The following FUBP3 variants were observed in gnomAD, a reference collection of about 807,000 sequenced individuals.
FUBP3 encodes far upstream element-binding protein 3.
FUBP3 carries 28 observed loss-of-function variants against 85.6 expected under a neutral mutation model. That is an observed-to-expected ratio of 0.33 (90% confidence interval 0.24 to 0.45). The LOEUF is 0.45. Ranked by LOEUF, FUBP3 falls within the 20% of genes least tolerant of loss-of-function variation. The pLI is 1.00. For synonymous variants in FUBP3, 271 were observed against 271.4 expected, an observed-to-expected ratio of 1.00 and a Z score of 0.01; for missense variants, 583 against 755.1, an observed-to-expected ratio of 0.77 and a Z score of 2.67.
At chr9:130,608,828 G>A (rs1314170923) in intron 2 of FUBP3, among the ~76,000 whole-genome samples, 1 of 152,146 alleles carries the variant, frequency 6.6e-6, no homozygotes, top group East Asian at 1.9e-4. Flanking sequence ...GTCACGGTCT[G>A]CTTTTTTTCC....
At chr9:130,630,526 C>T (rs1830168410) in intron 12 of FUBP3, 102 bp from the exon 13 acceptor site, 1 of 918,664 alleles carries the variant, frequency 1.1e-6, no homozygotes, top group Non-Finnish European at 1.6e-6. Flanking sequence ...TGCCGACGTG[C>T]ACAAAATCCC....
chr9:130,589,675 G>GTGTGTGTATGTGTATGTATATATATA (rs869282275), intron 1 of FUBP3, among the ~76,000 whole-genome samples: 10 of 34,290 alleles, frequency 2.9e-4, no homozygotes, highest in Non-Finnish European at 3.4e-4. Context: ...GTATGTGTGT[G>GTGTGTGTATGTGTATGTATATATATA]TATATATATA....
chr9:130,604,143 A>G (rs561753264), intron 2 of FUBP3, among the ~76,000 whole-genome samples: 2 of 152,168 alleles, frequency 1.3e-5, no homozygotes, highest in African/African-American at 4.8e-5. Context: ...CCAAAAAACT[A>G]CATACTGCAT....
At chr9:130,619,934 C>G (rs1294785954) in intron 8 of FUBP3, among the ~76,000 whole-genome samples, 3 of 152,198 alleles carry the variant, frequency 2.0e-5, no homozygotes, top group African/African-American at 7.2e-5. Flanking sequence ...AGTTCTCTGT[C>G]TCATGGACCT....
intron 12 of FUBP3, among the ~76,000 whole-genome samples, chr9:130,630,352 C>G (rs1011746025): frequency 6.6e-6 from 1 of 152,216 alleles, no homozygotes. Flanking sequence ...GGGCCACTCA[C>G]GACCTTCACA....
chr9:130,614,421 C>A, intron 6 of FUBP3, 76 bp downstream of exon 6: 1 of 890,444 alleles, frequency 1.1e-6, no homozygotes, highest in Non-Finnish European at 1.8e-6. Context: ...AAGGGCAACA[C>A]TGTTACTGAA....
At chr9:130,594,069 T>A (rs1454253019) in intron 1 of FUBP3, among the ~76,000 whole-genome samples, 1 of 152,166 alleles carries the variant, frequency 6.6e-6, no homozygotes, top group East Asian at 1.9e-4. Flanking sequence ...TTATGTTACA[T>A]CTCTTTAGAT....
chr9:130,632,166 C>T (rs774203890), intron 15 of FUBP3, 36 bp from the exon 16 acceptor site: 36 of 1,573,816 alleles, frequency 2.3e-5, no homozygotes, highest in Middle Eastern at 1.7e-4. Context: ...GTGACTTGCC[C>T]CCTATAGGAA....
intron 1 of FUBP3, among the ~76,000 whole-genome samples, chr9:130,590,970 G>C (rs538357312): frequency 2.0e-5 from 3 of 150,310 alleles, no homozygotes; most frequent in Non-Finnish European, 4.4e-5. Flanking sequence ...ACCTGGGTTT[G>C]AATACTGTTT....
At chr9:130,613,048 G>T (rs773928946) in intron 5 of FUBP3, 21 bp downstream of exon 5, 9 of 1,497,092 alleles carry the variant, frequency 6.0e-6, no homozygotes, top group African/African-American at 2.8e-5. Flanking sequence ...TTTAAAAATA[G>T]ATATCAATTT....
At position 130,626,421 on chromosome 9, in the gene FUBP3, G is replaced by T. The variant is rs376932493; in HGVS notation, c.1033G>T (p.Asp345Tyr). 48 of 1,614,114 alleles carry T rather than the reference G, an allele frequency of 3.0e-5. No individual in the cohort carries two copies. The Middle Eastern group carries it at 4.9e-4, about 17-fold the overall frequency. Residue 345 changes from aspartate to tyrosine, a missense_variant, in exon 12 of 19, where the codon GAC becomes TAC. Physicochemically the swap from Asp to Tyr is radical, Grantham distance 160. Around this residue, in one of 3 missense-constraint regions of FUBP3, gnomAD observed 404 missense variants for 516.8 expected, o/e 0.78. Transcript: ENST00000319725. ...CAGAGGAAGAGGTCGTGGCCGTGGCGACTGGAGCGTGGGAGCCCCTGGTGG... is the reference window on the plus strand; with the variant it reads ...CAGAGGAAGAGGTCGTGGCCGTGGCTACTGGAGCGTGGGAGCCCCTGGTGG... Reference protein sequence around the residue: ...AARGRGRGRGDWSVGAPGGVQ... With the variant: ...AARGRGRGRGYWSVGAPGGVQ...
intron 2 of FUBP3, among the ~76,000 whole-genome samples, chr9:130,603,347 C>CAAAAAAAAAA (rs34850259): frequency 1.2e-5 from 1 of 83,830 alleles, no homozygotes; most frequent in African/African-American, 5.1e-5. Flanking sequence ...ACTCTGTCTC[C>CAAAAAAAAAA]AAAAAAAAAA....
intron 10 of FUBP3, 39 bp from the exon 11 acceptor site, chr9:130,623,572 G>C (rs1205989816): frequency 2.3e-6 from 3 of 1,286,128 alleles, no homozygotes; most frequent in Non-Finnish European, 3.4e-6. Flanking sequence ...TTCTAACGTT[G>C]GGCTTTTTTC....
Position 130,616,072 on chromosome 9 carries a change from G to A in FUBP3, c.405-283G>A, listed in dbSNP as rs1831992951. 6.6e-6 allele frequency among the ~76,000 whole-genome samples: 1 copy of A among 152,218 alleles called. No homozygotes were observed. Among genetic ancestry groups the A allele is most frequent in the East Asian group, 1.9e-4 (1 of 5,196 alleles). ...AGCAGCTGGCATCCTAATAGGAGACGACACCTTTGTGGAGACACAAGCATG... is the reference window on the plus strand; with the variant it reads ...AGCAGCTGGCATCCTAATAGGAGACAACACCTTTGTGGAGACACAAGCATG... On this transcript the variant is annotated intron_variant, in intron 6 of 18. Transcript: ENST00000319725. This position sits in a 1 kb window ranked among gnomAD's most constrained non-coding sequence, Gnocchi z 4.7.
intron 16 of FUBP3, among the ~76,000 whole-genome samples, chr9:130,633,498 G>T (rs1429100021): frequency 1.3e-5 from 2 of 152,252 alleles, no homozygotes; most frequent in Non-Finnish European, 2.9e-5. Flanking sequence ...CCCCTGGCGG[G>T]TGGAACGGGC....
chr9:130,614,440 C>A, intron 6 of FUBP3, 95 bp downstream of exon 6: 2 of 772,630 alleles, frequency 2.6e-6, no homozygotes. Context: ...AACACTGAGT[C>A]TGTGCTGCAG....
intron 2 of FUBP3, among the ~76,000 whole-genome samples, chr9:130,606,362 A>G (rs1831431371): frequency 6.6e-6 from 1 of 152,076 alleles, no homozygotes; most frequent in Admixed American, 6.5e-5. Context: ...TTTTACAGTT[A>G]TAAAAACTGG....
At chr9:130,628,988 C>T (rs985474029) in intron 12 of FUBP3, among the ~76,000 whole-genome samples, 12 of 152,156 alleles carry the variant, frequency 7.9e-5, no homozygotes, top group Admixed American at 2.6e-4. Context: ...AGGCTGGTCT[C>T]GAACTCCCAA....
intron 2 of FUBP3, among the ~76,000 whole-genome samples, chr9:130,606,557 A>T (rs571215399): frequency 6.6e-6 from 1 of 152,074 alleles, no homozygotes; most frequent in Non-Finnish European, 1.5e-5. Flanking sequence ...GCGGTGGCTC[A>T]CGCCTGTAAT....
Sources: allele counts gnomAD v4.1 joint callset (sites outside exome capture counted in the v4.1 genomes callset), GRCh38; gene constraint gnomAD v4.1.1; regional missense constraint gnomAD v4.1.1; non-coding constraint Gnocchi (gnomAD v3.1); transcripts MANE v1.5; gene names NCBI Gene and HGNC (gene_info 2026-07-23, HGNC 2026-07-21).